Variants in TMEM120B observed in about 807,000 individuals in gnomAD.
TMEM120B encodes transmembrane protein 120B.
A neutral mutation model predicts 55.5 loss-of-function variants in TMEM120B; 31 were observed. That is an observed-to-expected ratio of 0.56 (90% confidence interval 0.42 to 0.75). TMEM120B has a LOEUF of 0.75. Ranked by LOEUF, TMEM120B falls within the 30% of genes least tolerant of loss-of-function variation. The pLI, the probability that TMEM120B is intolerant of heterozygous loss-of-function variation, is 0.00. For synonymous variants in TMEM120B, 203 were observed against 176.3 expected (o/e 1.15, Z -1.20); for missense variants, 399 against 425.5 (o/e 0.94, Z 0.55).
chr12:121,770,935 T>A lies in TMEM120B; in HGVS notation c.580T>A (p.Tyr194Asn), dbSNP rs1874023617. ...TAAAGGCTGGTGGGTGTCTCACCAC[T>A]ACGTCTCCACATTCCTGTCCGGAGT... Reference protein sequence around the residue: ...RIKGWWVSHHYVSTFLSGVML... With the variant: ...RIKGWWVSHHNVSTFLSGVML... The change falls in exon 7 of 12, where the codon TAC (tyrosine) becomes AAC (asparagine). Residue 194 changes from tyrosine (Y) to asparagine (N), a missense_variant. Tyr to Asn is a moderately radical substitution (Grantham distance 143). Coordinates refer to ENST00000449592, the MANE Select transcript of TMEM120B (RefSeq NM_001080825.2). 1 of 1,613,992 alleles carries A rather than the reference T, an allele frequency of 6.2e-7. No individual in the cohort carries two copies. Among genetic ancestry groups the A allele is most frequent in the Admixed American group, 1.7e-5 (1 of 59,996 alleles).
Position 121,780,521 on chromosome 12 carries a change from C to T in TMEM120B, c.*4799C>T, listed in dbSNP as rs938470124. On this transcript the variant is annotated 3_prime_UTR_variant, in exon 12 of 12. Transcript: ENST00000449592. ...ACAAGGCAGACAGGACACGACAGGACGGCGGCTCATAGCACAGACTTTGGA... is the reference window on the plus strand; with the variant it reads ...ACAAGGCAGACAGGACACGACAGGATGGCGGCTCATAGCACAGACTTTGGA... 50 of 430,150 alleles carry T rather than the reference C, an allele frequency of 1.2e-4. No individual in the cohort carries two copies. The East Asian group carries it at 1.4e-3, about 12-fold the overall frequency. The allele number at this position is 430,150 out of a possible 1,614,324, so 26.6% of individuals were successfully genotyped here. A position where few individuals can be genotyped will look rare whatever the true frequency, so the allele number is the denominator to read the frequency against.
Position 121,780,755 on chromosome 12 carries a change from A to T in TMEM120B, c.*5033A>T. 1 of 1,182,962 alleles carries T rather than the reference A, an allele frequency of 8.5e-7. No homozygotes were observed. Among genetic ancestry groups the T allele is most frequent in the Non-Finnish European group, 1.2e-6 (1 of 857,754 alleles). 73.3% of individuals were successfully genotyped at this position (1,182,962 alleles called of 1,614,324 possible). ...ATACTAATAGTTAAAAATTATTCTTAGAATCTTGCTTCCCTCAGCTCCCTG... is the reference window on the plus strand; with the variant it reads ...ATACTAATAGTTAAAAATTATTCTTTGAATCTTGCTTCCCTCAGCTCCCTG... On this transcript the variant is annotated 3_prime_UTR_variant, in exon 12 of 12. Transcript: ENST00000449592.
In TMEM120B at chr12:121,775,409, GC is replaced by G. The variant is rs1462336744; in HGVS notation, c.907-196del. 1 of 983,646 alleles carries G rather than the reference GC, an allele frequency of 1.0e-6. No homozygotes were observed. The highest frequency in any genetic ancestry group is 1.2e-6 in the Non-Finnish European group (1 of 828,544). The allele number at this position is 983,646 out of a possible 1,614,324, so 60.9% of individuals were successfully genotyped here. A position where few individuals can be genotyped will look rare whatever the true frequency, so the allele number is the denominator to read the frequency against. ...CAATCTGTGGATCCCAAGGAGGTTC[GC>G]CCCATCGAGCCCTTCCCAGGCCCTG... On this transcript the variant is annotated intron_variant, in intron 11 of 11. Coordinates refer to ENST00000449592, the MANE Select transcript of TMEM120B (RefSeq NM_001080825.2). This position sits in a 1 kb window ranked among gnomAD's most constrained non-coding sequence, Gnocchi z 4.3.
At chr12:121,748,995 G>GGA (rs959975712) in intron 3 of TMEM120B, among the ~76,000 whole-genome samples, 3 of 152,110 alleles carry the variant, frequency 2.0e-5, no homozygotes, top group African/African-American at 4.8e-5. Flanking sequence ...ACCTTGTTCT[G>GGA]GAGAGAGAGA....
At chr12:121,738,255 C>G (rs1176320791) in intron 1 of TMEM120B, among the ~76,000 whole-genome samples, 1 of 151,374 alleles carries the variant, frequency 6.6e-6, no homozygotes, top group African/African-American at 2.4e-5. Context: ...GAGACTCCAT[C>G]TCAAAAAAAA....
intron 1 of TMEM120B, among the ~76,000 whole-genome samples, chr12:121,733,122 T>C (rs1895035632): frequency 6.6e-6 from 1 of 152,160 alleles, no homozygotes; most frequent in Admixed American, 6.6e-5. Context: ...TTTTGCATTG[T>C]TGGTTATAGT....
At chr12:121,713,737 C>T (rs1894644378) in intron 1 of TMEM120B, among the ~76,000 whole-genome samples, 1 of 152,056 alleles carries the variant, frequency 6.6e-6, no homozygotes, top group African/African-American at 2.4e-5. Context: ...TCAGAGAGGC[C>T]CCAGCTACCT....
At chr12:121,770,635 G>T (rs1237480088) in intron 6 of TMEM120B, among the ~76,000 whole-genome samples, 1 of 152,246 alleles carries the variant, frequency 6.6e-6, no homozygotes, top group East Asian at 1.9e-4. Flanking sequence ...GAGGCTTGAA[G>T]GCAGGTGAGG....
chr12:121,721,804 CTTT>C (rs56702857), intron 1 of TMEM120B, among the ~76,000 whole-genome samples: 7 of 91,850 alleles, frequency 7.6e-5, no homozygotes, highest in East Asian at 3.4e-4. Context: ...ATCAGTTCTA[CTTT>C]TTTTTTTTTT....
At chr12:121,718,268 G>A (rs984140215) in intron 1 of TMEM120B, among the ~76,000 whole-genome samples, 2 of 152,130 alleles carry the variant, frequency 1.3e-5, no homozygotes, top group Non-Finnish European at 2.9e-5. Context: ...AGAGCACTTT[G>A]AGCTTAGGTG....
Position 121,775,146 on chromosome 12 carries a change from G to A in TMEM120B, c.906+16G>A. On this transcript the variant is annotated intron_variant, in intron 11 of 11. Coordinates refer to ENST00000449592, the MANE Select transcript of TMEM120B (RefSeq NM_001080825.2). This position sits in a 1 kb window ranked among gnomAD's most constrained non-coding sequence, Gnocchi z 4.3. ...AGAATGGCAGGTATGGGGGGTGGGG[G>A]CATGCTCGGGGGAGGTTCCCGGGAG... 4 of 748,112 alleles carry A rather than the reference G, an allele frequency of 5.3e-6. No individual in the cohort carries two copies. The highest frequency in any genetic ancestry group is 6.7e-6 in the Non-Finnish European group (3 of 444,518). The allele number at this position is 748,112 out of a possible 1,614,324, so 46.3% of individuals were successfully genotyped here. A position where few individuals can be genotyped will look rare whatever the true frequency, so the allele number is the denominator to read the frequency against.
At chr12:121,719,902 T>C (rs1438330785) in intron 1 of TMEM120B, among the ~76,000 whole-genome samples, 1 of 152,194 alleles carries the variant, frequency 6.6e-6, no homozygotes, top group Non-Finnish European at 1.5e-5. Context: ...GGTTTCACCA[T>C]GTTGGCCAGC....
At chr12:121,719,415 ACT>A (rs984438633) in intron 1 of TMEM120B, among the ~76,000 whole-genome samples, 2 of 151,840 alleles carry the variant, frequency 1.3e-5, no homozygotes, top group African/African-American at 2.4e-5. Context: ...TAAGACCCTG[ACT>A]CTACAAAAAA....
At position 121,775,487 on chromosome 12, in the gene TMEM120B, GAT is replaced by G; in HGVS notation, c.907-121_907-120del. On this transcript the variant is annotated intron_variant, in intron 11 of 11. Coordinates refer to ENST00000449592, the MANE Select transcript of TMEM120B (RefSeq NM_001080825.2). This position sits in a 1 kb window ranked among gnomAD's most constrained non-coding sequence, Gnocchi z 4.3. Reference sequence around the variant, plus strand: ...CCAGGTCTCCTGAATCTCTGCCTTCGATGGCAAAACCCTGCAGTTTGGGAGTT... The same window carrying G: ...CCAGGTCTCCTGAATCTCTGCCTTCGGGCAAAACCCTGCAGTTTGGGAGTT... The G allele has an allele frequency of 6.8e-7, 1 of 1,461,172 alleles. No homozygotes were observed. Among genetic ancestry groups the G allele is most frequent in the Middle Eastern group, 2.0e-4 (1 of 4,996 alleles). 90.5% of individuals were successfully genotyped at this position (1,461,172 alleles called of 1,614,324 possible). A position where few individuals can be genotyped will look rare whatever the true frequency, so the allele number is the denominator to read the frequency against.
Position 121,780,524 on chromosome 12 carries a change from C to T in TMEM120B, c.*4802C>T, listed in dbSNP as rs918463985. On this transcript the variant is annotated 3_prime_UTR_variant, in exon 12 of 12. Coordinates refer to ENST00000449592, the MANE Select transcript of TMEM120B (RefSeq NM_001080825.2). ...AGGCAGACAGGACACGACAGGACGGCGGCTCATAGCACAGACTTTGGATTG... is the reference window on the plus strand; with the variant it reads ...AGGCAGACAGGACACGACAGGACGGTGGCTCATAGCACAGACTTTGGATTG... 23 of 432,640 alleles carry T rather than the reference C, an allele frequency of 5.3e-5. 1 individual carries two copies. The highest frequency in any genetic ancestry group is 4.5e-4 in the South Asian group (8 of 17,862). The allele number at this position is 432,640 out of a possible 1,614,324, so 26.8% of individuals were successfully genotyped here. A position where few individuals can be genotyped will look rare whatever the true frequency, so the allele number is the denominator to read the frequency against.
intron 5 of TMEM120B, 106 bp from the exon 6 acceptor site, chr12:121,761,543 C>A: frequency 1.3e-6 from 1 of 790,406 alleles, no homozygotes; most frequent in Non-Finnish European, 2.2e-6. Context: ...GCAGCGCGTG[C>A]TGTGGGCAGC....
chr12:121,732,072 G>A (rs1303578304), intron 1 of TMEM120B, among the ~76,000 whole-genome samples: 4 of 152,202 alleles, frequency 2.6e-5, no homozygotes, highest in Non-Finnish European at 5.9e-5. Context: ...AAAAGGCAGA[G>A]GTTGCAGTGA....
chr12:121,761,510 T>C, intron 5 of TMEM120B, 139 bp from the exon 6 acceptor site: 1 of 608,782 alleles, frequency 1.6e-6, no homozygotes, highest in Non-Finnish European at 3.0e-6. Flanking sequence ...CCTGCCTCCC[T>C]GGTGTCATAA....
chr12:121,745,391 C>T (rs936506285), intron 2 of TMEM120B, among the ~76,000 whole-genome samples: 2 of 152,072 alleles, frequency 1.3e-5, no homozygotes, highest in African/African-American at 4.8e-5. Flanking sequence ...TATTTTCATT[C>T]ATTCATTCAT....
Sources: gnomAD v4.1 joint callset for allele counts (sites outside exome capture counted in the v4.1 genomes callset) on GRCh38, gnomAD v4.1.1 for gene constraint, Gnocchi (gnomAD v3.1) non-coding constraint, MANE v1.5 for transcripts, NCBI Gene and HGNC (gene_info 2026-07-23, HGNC 2026-07-21) for gene names.